The following LCOR variants were observed in gnomAD, a reference collection of about 807,000 sequenced individuals.
LCOR encodes the protein ligand-dependent corepressor.
LCOR carries 14 observed loss-of-function variants against 64.4 expected under a neutral mutation model. The observed-to-expected ratio is 0.22, with a 90% CI of 0.14 to 0.34. LCOR has a LOEUF of 0.34. Among genes scored for constraint, LCOR ranks in the 10% least tolerant of loss-of-function variants. LCOR has a pLI of 1.00. For missense variants in LCOR, 1,686 were observed against 1,765.3 expected (o/e 0.96, Z 0.80); for synonymous variants, 643 against 642.5 (o/e 1.00, Z -0.01).
At chr10:96,938,853 C>T (rs143346042) in intron 4 of LCOR, among the ~76,000 whole-genome samples, 21 of 152,184 alleles carry the variant, frequency 1.4e-4, no homozygotes, top group Admixed American at 1.3e-3. Flanking sequence ...TTGTAAATTA[C>T]AAAATGTTAC....
intron 5 of LCOR, among the ~76,000 whole-genome samples, chr10:96,947,337 C>A (rs552485986): frequency 8.5e-5 from 13 of 152,164 alleles, no homozygotes; most frequent in Admixed American, 3.3e-4. Flanking sequence ...AACTTTGTGA[C>A]CATCTTCTGG....
chr10:96,897,866 C>CTTTTTTTT (rs59098946), intron 2 of LCOR, among the ~76,000 whole-genome samples: 1 of 116,270 alleles, frequency 8.6e-6, no homozygotes. Context: ...AGAAAGCCAT[C>CTTTTTTTT]TTTTTTTTTT....
At chr10:96,928,432 C>T (rs560778258) in intron 4 of LCOR, among the ~76,000 whole-genome samples, 1 of 152,224 alleles carries the variant, frequency 6.6e-6, no homozygotes, top group East Asian at 1.9e-4. Flanking sequence ...TTTGTTTTCT[C>T]ATCCATAACA....
chr10:96,948,514 GA>G (rs1294343456), intron 5 of LCOR, among the ~76,000 whole-genome samples: 1 of 152,178 alleles, frequency 6.6e-6, no homozygotes, highest in Non-Finnish European at 1.5e-5. Context: ...GCCTAAAATG[GA>G]TCTTAAAATT....
chr10:96,936,485 T>C (rs1564631062), intron 4 of LCOR, among the ~76,000 whole-genome samples: 1 of 152,168 alleles, frequency 6.6e-6, no homozygotes, highest in Non-Finnish European at 1.5e-5. Flanking sequence ...AGGTAAACTT[T>C]AGCACTGATC....
At chr10:96,958,810 T>C (rs1184384819) in intron 7 of LCOR, 2 of 167,606 alleles carry the variant, frequency 1.2e-5, no homozygotes, top group African/African-American at 4.8e-5. Context: ...CATTGGTAAC[T>C]GCAATATAAA....
At chr10:96,846,500 TC>T (rs897907321) in intron 2 of LCOR, among the ~76,000 whole-genome samples, 2 of 151,984 alleles carry the variant, frequency 1.3e-5, no homozygotes, top group African/African-American at 4.8e-5. Context: ...GATCCTCCCA[TC>T]CCAGCCTTCC....
intron 2 of LCOR, among the ~76,000 whole-genome samples, chr10:96,894,324 A>G (rs980918195): frequency 6.6e-6 from 1 of 152,104 alleles, no homozygotes; most frequent in African/African-American, 2.4e-5. Context: ...TGATCCGACC[A>G]CCTTGGCCTC....
chr10:96,933,882 CTCT>C (rs769750373), intron 4 of LCOR, among the ~76,000 whole-genome samples: 1 of 152,156 alleles, frequency 6.6e-6, no homozygotes, highest in Non-Finnish European at 1.5e-5. Context: ...ATATTGATTT[CTCT>C]TATGTAGTTC....
intron 4 of LCOR, among the ~76,000 whole-genome samples, chr10:96,920,832 C>T (rs994136861): frequency 2.0e-5 from 3 of 151,396 alleles, no homozygotes; most frequent in African/African-American, 7.3e-5. Flanking sequence ...GGATGTTACT[C>T]TGTTGCCCAG....
Position 96,833,209 on chromosome 10 carries a change from C to T in LCOR, c.-403-197C>T, listed in dbSNP as rs1845377363. ...GAGCCCCGGCGGGGGTCGCTCTCGT[C>T]CCCTCCCGGGGATTGGCCGGAGCCG... On this transcript the variant is annotated intron_variant, in intron 1 of 7. Transcript: ENST00000421806. 7.1e-6 allele frequency: 7 copies of T among 983,804 alleles called. No homozygotes were observed. The South Asian group carries it at 2.3e-4, about 33-fold the overall frequency. 60.9% of individuals were successfully genotyped at this position (983,804 alleles called of 1,614,324 possible). A position where few individuals can be genotyped will look rare whatever the true frequency, so the allele number is the denominator to read the frequency against.
rs138465129 is a variant in LCOR, at chr10:96,937,657, T to C, written c.-183-6456T>C. Among the ~76,000 whole-genome samples the C allele has an allele frequency of 3.9e-5, 6 of 152,288 alleles. No homozygotes were observed. The East Asian group carries it at 1.2e-3, about 30-fold the overall frequency. ...GTGAGCCACCACACTCTGCCTTCAC[T>C]GGCATATTCTGTCAGACATTTAAAG... On this transcript the variant is annotated intron_variant, in intron 4 of 7. Transcript: ENST00000421806.
At chr10:96,863,160 G>A (rs999672678) in intron 2 of LCOR, among the ~76,000 whole-genome samples, 12 of 148,510 alleles carry the variant, frequency 8.1e-5, no homozygotes, top group African/African-American at 2.7e-4. Flanking sequence ...TGGGATTAGA[G>A]ATGTAAGCCA....
intron 2 of LCOR, among the ~76,000 whole-genome samples, chr10:96,897,114 A>AAC (rs1008556411): frequency 6.6e-6 from 1 of 151,532 alleles, no homozygotes; most frequent in African/African-American, 2.4e-5. Context: ...AAAAAAAAAA[A>AAC]AAACCCAAAA....
chr10:96,883,870 C>T (rs1176823981), intron 2 of LCOR, among the ~76,000 whole-genome samples: 1 of 151,974 alleles, frequency 6.6e-6, no homozygotes, highest in Admixed American at 6.6e-5. Flanking sequence ...TTTGTGGTGT[C>T]CAACATGTTT....
At chr10:96,833,041 C>T (rs1403157971) in intron 1 of LCOR, 21 of 985,976 alleles carry the variant, frequency 2.1e-5, no homozygotes, top group Admixed American at 1.2e-4. Flanking sequence ...AGTGGGGTGT[C>T]ATGGCCGCGG....
chr10:96,919,109 C>A (rs748881202), intron 4 of LCOR, among the ~76,000 whole-genome samples: 16 of 152,076 alleles, frequency 1.1e-4, no homozygotes, highest in Non-Finnish European at 1.9e-4. Context: ...ATTGAGGTAC[C>A]TTTCAACTGT....
intron 2 of LCOR, among the ~76,000 whole-genome samples, chr10:96,871,953 G>C (rs1312029407): frequency 1.3e-5 from 2 of 152,172 alleles, no homozygotes; most frequent in Non-Finnish European, 2.9e-5. Context: ...TAGAATCACG[G>C]TCTTCAGTTC....
chr10:96,958,238 T>G, intron 7 of LCOR: 1 of 1,329,924 alleles, frequency 7.5e-7, no homozygotes, highest in African/African-American at 1.5e-5. Flanking sequence ...TAAAGGCCCA[T>G]TAAAAATCTG....
Sources: gnomAD v4.1 joint callset for allele counts (sites outside exome capture counted in the v4.1 genomes callset) on GRCh38, gnomAD v4.1.1 for gene constraint, MANE v1.5 for transcripts, NCBI Gene and HGNC (gene_info 2026-07-23, HGNC 2026-07-21) for gene names.